Variants in PGPEP1L observed in about 807,000 individuals in gnomAD.
PGPEP1L encodes the protein pyroglutamyl-peptidase I like.
In PGPEP1L, 7 loss-of-function variants were observed where a neutral mutation model predicts 6.0. The observed-to-expected ratio is 1.17, with a 90% CI of 0.66 to 2.19. The LOEUF (loss-of-function observed/expected upper bound fraction) is 2.19, where lower values mean the gene tolerates loss of function less well. PGPEP1L is among the 30% of genes most tolerant of loss of function. The pLI is 0.00. For missense variants in PGPEP1L, 209 were observed against 192.5 expected, an observed-to-expected ratio of 1.09 and a Z score of -0.51; for synonymous variants, 103 against 83.9, an observed-to-expected ratio of 1.23 and a Z score of -1.24.
At chr15:98,977,117 GTCTTT>G (rs1386504558) in intron 2 of PGPEP1L, among the ~76,000 whole-genome samples, 1 of 151,654 alleles carries the variant, frequency 6.6e-6, no homozygotes, top group Non-Finnish European at 1.5e-5. Flanking sequence ...AATAGAAATG[GTCTTT>G]TATTTTTTTT....
At chr15:99,000,143 G>C (rs1184040707) in intron 2 of PGPEP1L, among the ~76,000 whole-genome samples, 2 of 152,260 alleles carry the variant, frequency 1.3e-5, no homozygotes, top group Non-Finnish European at 2.9e-5. Context: ...CGCACTGGGA[G>C]TGGCCGGCCA....
At chr15:98,993,846 G>A (rs1056090425) in intron 2 of PGPEP1L, among the ~76,000 whole-genome samples, 2 of 140,622 alleles carry the variant, frequency 1.4e-5, no homozygotes, top group Non-Finnish European at 3.2e-5. Flanking sequence ...GAAAAAAAAA[G>A]AGAACACAAA....
At chr15:98,982,883 G>A (rs1210279186) in intron 2 of PGPEP1L, among the ~76,000 whole-genome samples, 6 of 151,614 alleles carry the variant, frequency 4.0e-5, no homozygotes, top group Non-Finnish European at 5.9e-5. Context: ...GCTGATTTTT[G>A]TGTTTTTAGT....
At chr15:98,971,727 C>T (rs2017500283) in intron 2 of PGPEP1L, among the ~76,000 whole-genome samples, 1 of 152,116 alleles carries the variant, frequency 6.6e-6, no homozygotes, top group Non-Finnish European at 1.5e-5. Flanking sequence ...AACTCACTGG[C>T]ACAAGTAAGA....
chr15:98,995,797 CATTA>C (rs1433407626), intron 2 of PGPEP1L, among the ~76,000 whole-genome samples: 4 of 152,192 alleles, frequency 2.6e-5, no homozygotes, highest in South Asian at 2.1e-4. Flanking sequence ...ACCCCATATT[CATTA>C]ATTGTCACTC....
chr15:98,969,375 C>T (rs747844418), intron 4 of PGPEP1L, 50 bp downstream of exon 4: 2 of 1,603,910 alleles, frequency 1.2e-6, no homozygotes, highest in South Asian at 2.2e-5. Context: ...ACGCTGACGG[C>T]CATTGCTTCT....
intron 2 of PGPEP1L, among the ~76,000 whole-genome samples, chr15:98,981,477 A>C (rs1484777030): frequency 6.7e-6 from 1 of 148,692 alleles, no homozygotes; most frequent in African/African-American, 2.5e-5. Context: ...GCAACAGAGC[A>C]AGACTCCGTC....
intron 2 of PGPEP1L, among the ~76,000 whole-genome samples, chr15:98,984,405 T>A (rs973939163): frequency 6.6e-6 from 1 of 152,128 alleles, no homozygotes; most frequent in African/African-American, 2.4e-5. Context: ...AAAAGAAAAC[T>A]ATTCATTCAT....
chr15:99,004,995 G>C (rs2018029276), intron 2 of PGPEP1L, among the ~76,000 whole-genome samples: 1 of 152,046 alleles, frequency 6.6e-6, no homozygotes, highest in African/African-American at 2.4e-5. Context: ...TTGTAGATGG[G>C]TTTGCAAGCC....
intron 2 of PGPEP1L, among the ~76,000 whole-genome samples, chr15:98,985,392 A>G (rs992464461): frequency 8.5e-5 from 13 of 152,160 alleles, no homozygotes; most frequent in African/African-American, 3.1e-4. Flanking sequence ...TACAAAAATT[A>G]GCTGGCGTGA....
chr15:99,005,381 G>A (rs1555473487), intron 2 of PGPEP1L, 48 bp downstream of exon 2: 1 of 152,588 alleles, frequency 6.6e-6, no homozygotes, highest in African/African-American at 2.4e-5. Flanking sequence ...TCCAGGGGCA[G>A]GCTAAAAGCA....
intron 2 of PGPEP1L, among the ~76,000 whole-genome samples, chr15:98,981,873 TCTGTTTAGCACC>T (rs2151758912): frequency 6.6e-6 from 1 of 152,296 alleles, no homozygotes; most frequent in East Asian, 1.9e-4. Context: ...GAGAGGCTGC[TCTGTTTAGCACC>T]CTGGAAAAGG....
chr15:98,975,233 C>T (rs1288868372), intron 2 of PGPEP1L, among the ~76,000 whole-genome samples: 1 of 152,142 alleles, frequency 6.6e-6, no homozygotes, highest in Non-Finnish European at 1.5e-5. Flanking sequence ...GACACACAAA[C>T]ATTACATATT....
intron 3 of PGPEP1L, 127 bp from the exon 4 acceptor site, chr15:98,969,778 A>G (rs2017466453): frequency 1.1e-6 from 1 of 889,652 alleles, no homozygotes; most frequent in Non-Finnish European, 1.7e-6. Flanking sequence ...CCCCAAATCC[A>G]CTGGGAAACC....
chr15:98,976,941 G>A (rs1555470735), intron 2 of PGPEP1L, among the ~76,000 whole-genome samples: 1 of 149,718 alleles, frequency 6.7e-6, no homozygotes, highest in Non-Finnish European at 1.5e-5. Flanking sequence ...TGTATAATGG[G>A]TACAACAATA....
At chr15:99,000,635 G>A (rs1313459335) in intron 2 of PGPEP1L, among the ~76,000 whole-genome samples, 2 of 152,276 alleles carry the variant, frequency 1.3e-5, no homozygotes, top group East Asian at 1.9e-4. Flanking sequence ...CTACTCTGGT[G>A]GGGACTTGGA....
Position 98,968,234 on chromosome 15 carries a change from C to T in PGPEP1L, c.*244G>A, listed in dbSNP as rs558114137. On this transcript the variant is annotated 3_prime_UTR_variant, in exon 5 of 5. Coordinates refer to ENST00000535714, the MANE Select transcript of PGPEP1L (RefSeq NM_001167902.2). Reference sequence around the variant, plus strand: ...GATTTTTGGAAGAAAACAGATGACTCGGATTTCATTTTATTGTCATGAAAA... The same window carrying T: ...GATTTTTGGAAGAAAACAGATGACTTGGATTTCATTTTATTGTCATGAAAA... 4 of 487,582 alleles carry T rather than the reference C, an allele frequency of 8.2e-6. No homozygotes were observed. The East Asian group carries it at 1.1e-4, about 13-fold the overall frequency. The allele number at this position is 487,582 out of a possible 1,614,324, so 30.2% of individuals were successfully genotyped here.
intron 2 of PGPEP1L, among the ~76,000 whole-genome samples, chr15:98,993,447 A>AAAAAAAT (rs2017844650): frequency 6.6e-6 from 1 of 152,222 alleles, no homozygotes; most frequent in African/African-American, 2.4e-5. Context: ...TCAGGAAACA[A>AAAAAAAT]CAGATGCTGG....
intron 2 of PGPEP1L, among the ~76,000 whole-genome samples, chr15:98,983,343 T>TA (rs1360729680): frequency 6.6e-6 from 1 of 152,074 alleles, no homozygotes; most frequent in Non-Finnish European, 1.5e-5. Flanking sequence ...AAGCAACATG[T>TA]AAGAAAGGCA....
Sources: allele counts gnomAD v4.1 joint callset (sites outside exome capture counted in the v4.1 genomes callset), GRCh38; gene constraint gnomAD v4.1.1; transcripts MANE v1.5; gene names NCBI Gene and HGNC (gene_info 2026-07-23, HGNC 2026-07-21).